Variants in ZNF75A observed in about 807,000 individuals in gnomAD.
ZNF75A encodes zinc finger protein 75A.
A neutral mutation model predicts 46.3 loss-of-function variants in ZNF75A; 36 were observed. The ratio of observed to expected loss-of-function variants is 0.78; its 90% CI spans 0.60 to 1.03. The LOEUF (loss-of-function observed/expected upper bound fraction) is 1.03. ZNF75A is among the 50% of genes least tolerant of loss of function. The pLI is 0.00. For synonymous variants in ZNF75A, 234 were observed against 189.9 expected, an observed-to-expected ratio of 1.23 and a Z score of -1.91; for missense variants, 595 against 551.3, an observed-to-expected ratio of 1.08 and a Z score of -0.79.
At chr16:3,310,608 A>T (rs1960687956) in intron 2 of ZNF75A, 1 of 925,108 alleles carries the variant, frequency 1.1e-6, no homozygotes, top group Non-Finnish European at 1.3e-6. Context: ...CCTGGGTGAC[A>T]GAGTGAGACC....
At chr16:3,321,995 C>T (rs765312588), downstream of ZNF75A, among the ~76,000 whole-genome samples, 4 of 152,178 alleles carry the variant, frequency 2.6e-5, no homozygotes, top group Non-Finnish European at 5.9e-5. Context: ...TTTGTTGAGT[C>T]ATGCCACTGA....
In ZNF75A at chr16:3,308,711, C is replaced by A; in HGVS notation, c.283C>A (p.Gln95Lys). 1.0e-6 allele frequency: 1 copy of A among 993,462 alleles called. No individual in the cohort carries two copies. Among genetic ancestry groups the A allele is most frequent in the South Asian group, 4.5e-5 (1 of 22,420 alleles). The allele number at this position is 993,462 out of a possible 1,614,324, so 61.5% of individuals were successfully genotyped here. A position where few individuals can be genotyped will look rare whatever the true frequency, so the allele number is the denominator to read the frequency against. The stretch of plus-strand genomic sequence containing the variant: ...GATACTGGAACTGCTGGTGCTGGAG[C>A]AGTTCCTGACTATTCTGCCCAGGGA... ...EQILELLVLE[Q>K]FLTILPRETQ... Residue 95 changes from glutamine to lysine, a missense_variant, in exon 2 of 7, where the codon CAG (glutamine) becomes AAG (lysine). Gln to Lys is a moderately conservative substitution (Grantham distance 53, BLOSUM62 1). Coordinates refer to ENST00000669516, the MANE Select transcript of ZNF75A (RefSeq NM_001302109.2).
intron 5 of ZNF75A, chr16:3,316,670 T>C: frequency 3.1e-6 from 1 of 320,648 alleles, no homozygotes; most frequent in Non-Finnish European, 5.7e-6. Flanking sequence ...ATGTACTGGA[T>C]TCCCATTCCC....
Position 3,308,382 on chromosome 16 carries a change from G to T in ZNF75A, c.-47G>T. 1.0e-6 allele frequency: 1 copy of T among 980,748 alleles called. No individual in the cohort carries two copies. Among genetic ancestry groups the T allele is most frequent in the Non-Finnish European group, 1.2e-6 (1 of 825,330 alleles). 60.8% of individuals were successfully genotyped at this position (980,748 alleles called of 1,614,324 possible). A position where few individuals can be genotyped will look rare whatever the true frequency, so the allele number is the denominator to read the frequency against. Reference sequence around the variant, plus strand: ...GACAGGATCTCATTTGTTAAACGTGGTACCAATTGGGTGTCTTAACACAGG... The same window carrying T: ...GACAGGATCTCATTTGTTAAACGTGTTACCAATTGGGTGTCTTAACACAGG... On this transcript the variant is annotated 5_prime_UTR_variant, in exon 2 of 7. Coordinates refer to ENST00000669516, the MANE Select transcript of ZNF75A (RefSeq NM_001302109.2).
chr16:3,314,860 G>C (rs4786402), intron 5 of ZNF75A: 31,726 of 985,384 alleles, frequency 0.032, 567 homozygotes, highest in Non-Finnish European at 0.036. Context: ...CTGTAAGACT[G>C]TCATTTGTCT....
rs777330472 is a variant in ZNF75A, at chr16:3,317,245, A to C, written c.990A>C (p.Leu330Phe). The part of the protein sequence containing the change: ...ENHQPVSLSD[L>F]EIQASAGVIS... The stretch of plus-strand genomic sequence containing the variant: ...ATCAGCCTGTGTCTCTTTCTGACTT[A>C]GAAATACAAGCATCAGCAGGCGTCA... The change falls in exon 7 of 7, where the codon TTA (leucine) becomes TTC (phenylalanine). Residue 330 changes from leucine (L) to phenylalanine (F), a missense_variant. Transcript: ENST00000669516. 1.2e-6 allele frequency: 2 copies of C among 1,614,042 alleles called. No individual in the cohort carries two copies. The highest frequency in any genetic ancestry group is 3.3e-5 in the Admixed American group (2 of 59,996).
chr16:3,305,906 G>C (rs957675576), intron 1 of ZNF75A: 2 of 152,248 alleles, frequency 1.3e-5, no homozygotes, highest in African/African-American at 2.4e-5. Flanking sequence ...GCAGACACAG[G>C]CTGTGGCGAA....
intron 5 of ZNF75A, 83 bp downstream of exon 5, chr16:3,313,258 CTGT>C: frequency 2.1e-6 from 3 of 1,428,806 alleles, no homozygotes; most frequent in Non-Finnish European, 2.9e-6. Flanking sequence ...GGGTGTCTTA[CTGT>C]TCCAGGAGCT....
chr16:3,314,896 T>G, intron 5 of ZNF75A: 1 of 985,412 alleles, frequency 1.0e-6, no homozygotes, highest in Non-Finnish European at 1.2e-6. Context: ...CTTCTTTTTG[T>G]GTAGAAGTTG....
At chr16:3,316,777 C>A (rs1255378820) in intron 5 of ZNF75A, 135 bp from the exon 6 acceptor site, 6 of 619,702 alleles carry the variant, frequency 9.7e-6, no homozygotes, top group Admixed American at 3.1e-5. Flanking sequence ...GATACTTAAT[C>A]TTGGAGTCTA....
At chr16:3,315,900 C>T (rs548170428) in intron 5 of ZNF75A, 62 of 152,326 alleles carry the variant, frequency 4.1e-4, no homozygotes, top group African/African-American at 1.3e-3. Flanking sequence ...GCTACTGGTG[C>T]GCTTGTGCAC....
chr16:3,311,122 C>T (rs1386383211), intron 2 of ZNF75A, among the ~76,000 whole-genome samples: 1 of 151,978 alleles, frequency 6.6e-6, no homozygotes, highest in Non-Finnish European at 1.5e-5. Flanking sequence ...CAGAAAAGGC[C>T]TGACAAGACA....
At chr16:3,320,564 C>T (rs1961490184), downstream of ZNF75A, among the ~76,000 whole-genome samples, 1 of 152,294 alleles carries the variant, frequency 6.6e-6, no homozygotes, top group East Asian at 1.9e-4. Context: ...CTGTCTTGGA[C>T]AAATCTTATG....
chr16:3,310,003 G>C (rs1596390818), intron 2 of ZNF75A, among the ~76,000 whole-genome samples: 1 of 152,086 alleles, frequency 6.6e-6, no homozygotes, highest in East Asian at 1.9e-4. Context: ...GTTGAGGTGA[G>C]AGAATTGCTT....
rs1415055749 is a variant in ZNF75A at position 3,317,412 on chromosome 16, T to C, written c.1157T>C (p.Leu386Pro). The C allele has an allele frequency of 2.5e-6, 4 of 1,614,002 alleles. No individual in the cohort carries two copies. Among genetic ancestry groups the C allele is most frequent in the Non-Finnish European group, 2.5e-6 (3 of 1,180,038 alleles). The change falls in exon 7 of 7, where the codon CTC (leucine) becomes CCC (proline). Residue 386 changes from leucine (L) to proline (P), a missense_variant. Physicochemically the swap from Leu to Pro is moderately conservative, Grantham distance 98 (BLOSUM62 -3). Coordinates refer to ENST00000669516, the MANE Select transcript of ZNF75A (RefSeq NM_001302109.2). ...CTTTCAACCTGGAAACAAGAGCTGC[T>C]CAAACTTATGGATCGTCACAAGAAA... is the stretch of plus-strand genomic sequence containing the variant. The part of the protein sequence containing the change: ...KKLSTWKQEL[L>P]KLMDRHKKDC...
chr16:3,322,999 G>A (rs1211535205), downstream of ZNF75A: 2 of 875,808 alleles, frequency 2.3e-6, no homozygotes, highest in Non-Finnish European at 1.4e-6. Flanking sequence ...CCTTGGAACT[G>A]GACTGTGATG....
chr16:3,317,861 C>T lies in ZNF75A; in HGVS notation c.1606C>T (p.His536Tyr), dbSNP rs1036532721. 3.7e-6 allele frequency: 6 copies of T among 1,604,922 alleles called. No homozygotes were observed. Among genetic ancestry groups the T allele is most frequent in the Non-Finnish European group, 5.1e-6 (6 of 1,174,946 alleles). Reference protein sequence around the residue: ...RSSLLRHQKLHL With the variant: ...RSSLLRHQKLYL The stretch of plus-strand genomic sequence containing the variant: ...AAGCCTTCTTAGACACCAGAAACTC[C>T]ACCTGTGAAGAGAAGCTTGTCCAGT... Residue 536 changes from histidine to tyrosine, a missense_variant, in exon 7 of 7, where the codon CAC becomes TAC. Physicochemically the swap from His to Tyr is moderately conservative, Grantham distance 83 (BLOSUM62 2). Coordinates refer to ENST00000669516, the MANE Select transcript of ZNF75A (RefSeq NM_001302109.2).
chr16:3,312,861 G>T, intron 4 of ZNF75A, 93 bp downstream of exon 4: 1 of 1,170,988 alleles, frequency 8.5e-7, no homozygotes, highest in South Asian at 1.7e-5. Context: ...GTTAGTCCCG[G>T]GTGTTCTCTG....
At chr16:3,319,655 A>T (rs535720520), downstream of ZNF75A, among the ~76,000 whole-genome samples, 1 of 152,128 alleles carries the variant, frequency 6.6e-6, no homozygotes, top group Non-Finnish European at 1.5e-5. Context: ...GCATCCCCTC[A>T]TGGAACTTGT....
Sources: allele counts gnomAD v4.1 joint callset (sites outside exome capture counted in the v4.1 genomes callset), GRCh38; gene constraint gnomAD v4.1.1; transcripts MANE v1.5; gene names NCBI Gene and HGNC (gene_info 2026-07-23, HGNC 2026-07-21).